The following BSN variants were observed in gnomAD, a reference collection of about 807,000 sequenced individuals.
BSN encodes the protein bassoon presynaptic cytomatrix protein, also known as protein bassoon.
Under a neutral mutation model 264.8 loss-of-function variants are expected in BSN, and 57 were observed. That is an observed-to-expected ratio of 0.22 (90% CI 0.17 to 0.27). The LOEUF (loss-of-function observed/expected upper bound fraction) is 0.27. Among genes scored for constraint, BSN ranks in the 10% least tolerant of loss-of-function variants. The probability of loss-of-function intolerance (pLI) is 1.00; values close to 1 mark genes in which losing one functional copy is unlikely to be tolerated. For missense variants in BSN, 4,615 were observed against 5,232.5 expected (o/e 0.88, Z 3.64); for synonymous variants, 2,059 against 2,137.3 (o/e 0.96, Z 1.01).
intron 1 of BSN, among the ~76,000 whole-genome samples, chr3:49,605,456 A>T (rs1323139825): frequency 6.8e-4 from 15 of 22,116 alleles, no homozygotes; most frequent in African/African-American, 2.5e-3. Flanking sequence ...ATTATATAAT[A>T]TATATTATAT....
intron 3 of BSN, among the ~76,000 whole-genome samples, chr3:49,648,503 T>C (rs546065357): frequency 6.6e-6 from 1 of 152,310 alleles, no homozygotes; most frequent in South Asian, 2.1e-4. Context: ...CCAGGGTCAT[T>C]TTGCCATCTC....
intron 1 of BSN, among the ~76,000 whole-genome samples, chr3:49,574,927 C>T (rs571335914): frequency 4.6e-5 from 7 of 152,112 alleles, no homozygotes; most frequent in South Asian, 2.1e-4. Flanking sequence ...CATGAGCCAC[C>T]GCACCCAGCT....
intron 1 of BSN, among the ~76,000 whole-genome samples, chr3:49,620,933 T>TCACA (rs370807356): frequency 2.6e-5 from 4 of 151,650 alleles, no homozygotes; most frequent in Non-Finnish European, 5.9e-5. Flanking sequence ...AGAAGGAGAC[T>TCACA]CACACACACA....
rs748163157 is a variant in BSN, at chr3:49,660,721, G to A, written c.8876G>A (p.Arg2959His). The A allele has an allele frequency of 2.5e-6, 4 of 1,612,938 alleles. No individual in the cohort carries two copies. Among genetic ancestry groups the A allele is most frequent in the East Asian group, 2.2e-5 (1 of 44,894 alleles). ...RLVEHESTKLRKKQAELDEEE... is the reference protein window; with the variant it reads ...RLVEHESTKLHKKQAELDEEE... ...GTGGAGCATGAGTCCACCAAACTGC[G>A]CAAGAAGCAGGCAGAGCTGGATGAG... The change falls in exon 6 of 12, where the codon CGC (arginine) becomes CAC (histidine). Residue 2959 changes from arginine (R) to histidine (H), a missense_variant. Physicochemically the swap from Arg to His is conservative, Grantham distance 29. This residue lies in a region of BSN where 3,415 missense variants were observed against 3,866.4 expected (regional missense o/e 0.88). Coordinates refer to ENST00000296452, the MANE Select transcript of BSN (RefSeq NM_003458.4). The surrounding 1 kb of genome is among the most constrained non-coding windows in gnomAD (Gnocchi z 7.1).
intron 2 of BSN, among the ~76,000 whole-genome samples, chr3:49,635,971 C>CAA (rs869076731): frequency 1.8e-5 from 2 of 113,516 alleles, no homozygotes; most frequent in Non-Finnish European, 1.9e-5. Context: ...TGTCCCCCTC[C>CAA]AAAAAAAAAA....
Position 49,653,669 on chromosome 3 carries a change from C to T in BSN, c.4113C>T (p.Gly1371=). 1 of 1,613,744 alleles carries T rather than the reference C, an allele frequency of 6.2e-7. No homozygotes were observed. Among genetic ancestry groups the T allele is most frequent in the African/African-American group, 1.3e-5 (1 of 74,986 alleles). Reference sequence around the variant, plus strand: ...CCAGCTCAGCCTCCAAGGAGATAGGCATGCCCTTTTCCCAGGGCCCTGGGA... The same window carrying T: ...CCAGCTCAGCCTCCAAGGAGATAGGTATGCCCTTTTCCCAGGGCCCTGGGA... The part of the protein sequence containing the change: ...ASPSSASKEI[G]MPFSQGPGTP... Residue 1371 remains glycine, a synonymous_variant, in exon 5 of 12, where the codon GGC becomes GGT. Coordinates refer to ENST00000296452, the MANE Select transcript of BSN (RefSeq NM_003458.4). The surrounding 1 kb of genome is among the most constrained non-coding windows in gnomAD (Gnocchi z 6.3).
chr3:49,577,330 T>C (rs2051852638), intron 1 of BSN, among the ~76,000 whole-genome samples: 1 of 152,174 alleles, frequency 6.6e-6, no homozygotes, highest in Non-Finnish European at 1.5e-5. Context: ...GGGAACATTT[T>C]TTATCTTCTA....
chr3:49,672,929 G>A (rs1487063617), downstream of BSN, among the ~76,000 whole-genome samples: 6 of 150,850 alleles, frequency 4.0e-5, no homozygotes, highest in African/African-American at 1.5e-4. Context: ...ACAGGCGCCT[G>A]CCACCATGCC....
intron 1 of BSN, among the ~76,000 whole-genome samples, chr3:49,624,768 G>GC (rs1010590371): frequency 6.6e-6 from 1 of 152,116 alleles, no homozygotes; most frequent in Non-Finnish European, 1.5e-5. Flanking sequence ...TTTTAATCCT[G>GC]CCTCATGCCC....
In BSN at chr3:49,657,795, A is replaced by G. The variant is rs760916238; in HGVS notation, c.8239A>G (p.Ile2747Val). 3.8e-6 allele frequency: 6 copies of G among 1,573,500 alleles called. No individual in the cohort carries two copies. Among genetic ancestry groups the G allele is most frequent in the Non-Finnish European group, 5.2e-6 (6 of 1,157,812 alleles). ...TGCCATCAGCCCCTACCTGCCTGGC[A>G]TCCAGATCGTCACCCCAGGGCCTCT... is the stretch of plus-strand genomic sequence containing the variant. ...PTAISPYLPG[I>V]QIVTPGPLGR... is the part of the protein sequence containing the mutation. Residue 2747 changes from isoleucine to valine, a missense_variant, in exon 5 of 12, where the codon ATC (isoleucine) becomes GTC (valine). Physicochemically the swap from Ile to Val is conservative, Grantham distance 29. Transcript: ENST00000296452.
At chr3:49,643,175 T>C in intron 3 of BSN, 23 bp downstream of exon 3, 1 of 1,585,664 alleles carries the variant, frequency 6.3e-7, no homozygotes, top group Non-Finnish European at 8.6e-7. Context: ...CCAAGCATGC[T>C]CCCTTGAACC....
chr3:49,565,307 C>T (rs1439307702), intron 1 of BSN, among the ~76,000 whole-genome samples: 19 of 137,102 alleles, frequency 1.4e-4, no homozygotes, highest in Non-Finnish European at 2.8e-4. Context: ...CCACCACGCC[C>T]AGCTAATTTT....
At chr3:49,591,297 TACAC>T (rs1298207140) in intron 1 of BSN, among the ~76,000 whole-genome samples, 1 of 152,208 alleles carries the variant, frequency 6.6e-6, no homozygotes. Flanking sequence ...TACAGACACA[TACAC>T]ACATTGTTTT....
rs141257834 is a variant in BSN at position 49,556,066 on chromosome 3, T to C, written c.224+1240T>C. On this transcript the variant is annotated intron_variant, in intron 1 of 11. Transcript: ENST00000296452. ...CATTTTATACTAGCTATAATAGTAA[T>C]GCAGTTGGATAGCACACAGCTCTTA... Among the ~76,000 whole-genome samples, 4 of 152,366 alleles carry C rather than the reference T, an allele frequency of 2.6e-5. No individual in the cohort carries two copies. In the East Asian group the frequency reaches 5.8e-4, roughly 22 times the overall value.
chr3:49,672,970 A>C (rs1426011856), downstream of BSN, among the ~76,000 whole-genome samples: 19 of 146,080 alleles, frequency 1.3e-4, no homozygotes, highest in East Asian at 2.5e-3. Flanking sequence ...TAGTAGAGAC[A>C]GGGTTTCACC....
intron 1 of BSN, among the ~76,000 whole-genome samples, chr3:49,614,333 A>G (rs2052240956): frequency 6.6e-6 from 1 of 152,188 alleles, no homozygotes; most frequent in African/African-American, 2.4e-5. Context: ...TGCTGGGATT[A>G]CAGGCGTGAG....
chr3:49,604,987 C>T (rs1184680285), intron 1 of BSN, among the ~76,000 whole-genome samples: 1 of 151,712 alleles, frequency 6.6e-6, no homozygotes, highest in Non-Finnish European at 1.5e-5. Context: ...AGGCTGGGCG[C>T]GGTAGCTCAC....
chr3:49,586,944 A>C (rs9811982), intron 1 of BSN, among the ~76,000 whole-genome samples: 45,395 of 151,920 alleles, frequency 0.3, 7,285 homozygotes, highest in Middle Eastern at 0.32. Context: ...TTCTGTGAAG[A>C]ATGTCATTGA....
rs1559598313 is a variant in BSN at position 49,585,724 on chromosome 3, G to A, written c.224+30898G>A. ...ACTAATTTACATTCCCACTAACAGT[G>A]TACAAGGGTTCCCTTTTCTCTACAT... is the stretch of plus-strand genomic sequence containing the variant. On this transcript the variant is annotated intron_variant, in intron 1 of 11. Coordinates refer to ENST00000296452, the MANE Select transcript of BSN (RefSeq NM_003458.4). The surrounding 1 kb of genome is among the most constrained non-coding windows in gnomAD (Gnocchi z 4.7). Among the ~76,000 whole-genome samples, 1 of 152,230 alleles carries A rather than the reference G, an allele frequency of 6.6e-6. No individual in the cohort carries two copies. Among genetic ancestry groups the A allele is most frequent in the African/African-American group, 2.4e-5 (1 of 41,458 alleles).
Sources: allele counts gnomAD v4.1 joint callset (sites outside exome capture counted in the v4.1 genomes callset), GRCh38; gene constraint gnomAD v4.1.1; regional missense constraint gnomAD v4.1.1; non-coding constraint Gnocchi (gnomAD v3.1); transcripts MANE v1.5; gene names NCBI Gene and HGNC (gene_info 2026-07-23, HGNC 2026-07-21).